Variants in NAV2 observed in about 807,000 individuals in gnomAD.
NAV2 encodes the protein neuron navigator 2, also known as helicase, APC down-regulated 1.
Under a neutral mutation model 223.2 loss-of-function variants are expected in NAV2, and 54 were observed. That is an observed-to-expected ratio of 0.24 (90% CI 0.19 to 0.30). The LOEUF is 0.30. NAV2 is among the 10% of genes least tolerant of loss of function. The pLI is 1.00. For synonymous variants in NAV2, 1,279 were observed against 1,239.3 expected, an observed-to-expected ratio of 1.03 and a Z score of -0.67; for missense variants, 2,806 against 3,147.5, an observed-to-expected ratio of 0.89 and a Z score of 2.60.
intron 1 of NAV2, among the ~76,000 whole-genome samples, chr11:19,551,172 A>G (rs1376400692): frequency 6.6e-6 from 1 of 152,250 alleles, no homozygotes; most frequent in Non-Finnish European, 1.5e-5. Flanking sequence ...GCTAAGCCCC[A>G]CTTTGGGGTT....
At chr11:19,719,676 A>G (rs2050602825) in intron 1 of NAV2, among the ~76,000 whole-genome samples, 1 of 152,222 alleles carries the variant, frequency 6.6e-6, no homozygotes, top group South Asian at 2.1e-4. Context: ...CTGCCTCCCA[A>G]GTACGCAGCT....
chr11:19,532,426 C>T (rs1157827408), intron 1 of NAV2, among the ~76,000 whole-genome samples: 2 of 152,182 alleles, frequency 1.3e-5, no homozygotes, highest in Non-Finnish European at 2.9e-5. Flanking sequence ...TTTCTCTGGG[C>T]CTCAACATCT....
In NAV2 at chr11:20,100,994, T is replaced by C. The variant is rs774496040; in HGVS notation, c.6239T>C (p.Ile2080Thr). The change falls in exon 32 of 38, where the codon ATC (isoleucine) becomes ACC (threonine). Residue 2080 changes from isoleucine to threonine, a missense_variant. By Grantham distance (89) the Ile-to-Thr change is moderately conservative. This residue lies in a region of NAV2 where 824 missense variants were observed against 1,069.4 expected (regional missense o/e 0.77). Coordinates refer to ENST00000349880, the MANE Select transcript of NAV2 (RefSeq NM_145117.5). ...LVFESLIPKPILQRYVSLLIE... is the reference protein window; with the variant it reads ...LVFESLIPKPTLQRYVSLLIE... ...TTTGAGTCCTTGATTCCCAAGCCCA[T>C]CCTGCAGCGCTACGTCTCCCTCCTG... 9 of 1,613,978 alleles carry C rather than the reference T, an allele frequency of 5.6e-6. No homozygotes were observed. The South Asian group carries it at 8.8e-5, about 16-fold the overall frequency.
chr11:19,349,953 C>T (rs527933063), upstream of NAV2, among the ~76,000 whole-genome samples: 5 of 152,266 alleles, frequency 3.3e-5, no homozygotes, highest in East Asian at 7.7e-4. Context: ...CTTTCTCACC[C>T]TCCCTGAGGA....
intron 17 of NAV2, 44 bp from the exon 18 acceptor site, chr11:20,054,036 A>C (rs1169393270): frequency 2.5e-6 from 4 of 1,584,774 alleles, no homozygotes; most frequent in Non-Finnish European, 3.4e-6. Context: ...CATTTTAATA[A>C]GCATTGTTCA....
chr11:19,367,231 T>G (rs945926769), intron 1 of NAV2, among the ~76,000 whole-genome samples: 9 of 152,206 alleles, frequency 5.9e-5, no homozygotes, highest in South Asian at 2.1e-4. Flanking sequence ...TGTCCACCTT[T>G]AAGATTCAGA....
At chr11:19,788,853 G>C (rs1211930520) in intron 1 of NAV2, among the ~76,000 whole-genome samples, 2 of 152,066 alleles carry the variant, frequency 1.3e-5, no homozygotes, top group Non-Finnish European at 2.9e-5. Flanking sequence ...CCTAAGTGGA[G>C]CTCCTTCACA....
intron 1 of NAV2, among the ~76,000 whole-genome samples, chr11:19,645,618 C>A (rs1416399258): frequency 2.0e-5 from 3 of 152,066 alleles, no homozygotes; most frequent in African/African-American, 7.2e-5. Context: ...TATCAACACG[C>A]TGAAAAGGGA....
chr11:19,690,471 C>G (rs2049141894), intron 1 of NAV2, among the ~76,000 whole-genome samples: 1 of 152,054 alleles, frequency 6.6e-6, no homozygotes, highest in Non-Finnish European at 1.5e-5. Flanking sequence ...TCATGGTGAG[C>G]CCTATCTTTT....
intron 1 of NAV2, chr11:19,503,320 A>G (rs557916538): frequency 2.0e-5 from 3 of 152,352 alleles, no homozygotes; most frequent in African/African-American, 7.2e-5. Flanking sequence ...CTCAAAGTCC[A>G]TAGTTTACAT....
Position 19,910,790 on chromosome 11 carries a change from G to A in NAV2, c.931+18196G>A, listed in dbSNP as rs191188815. 1.4e-4 allele frequency among the ~76,000 whole-genome samples: 21 copies of A among 152,228 alleles called. No individual in the cohort carries two copies. The East Asian group carries it at 1.9e-3, about 14-fold the overall frequency. On this transcript the variant is annotated intron_variant, in intron 6 of 37. Coordinates refer to ENST00000349880, the MANE Select transcript of NAV2 (RefSeq NM_145117.5). ...GAAGAATTGCTTGAACCTGAGAGGC[G>A]GAGGTTGCAGTGAGCCGAGATAGTG...
chr11:20,031,734 TTGTGTGTGTG>T (rs5790104), intron 11 of NAV2, among the ~76,000 whole-genome samples: 5 of 149,108 alleles, frequency 3.4e-5, no homozygotes, highest in Non-Finnish European at 6.0e-5. Flanking sequence ...CATTTTCGCT[TTGTGTGTGTG>T]TGTGTGTGTG....
At chr11:19,554,326 T>C (rs2044794038) in intron 1 of NAV2, among the ~76,000 whole-genome samples, 1 of 152,202 alleles carries the variant, frequency 6.6e-6, no homozygotes, top group Non-Finnish European at 1.5e-5. Flanking sequence ...AGGATTGAGT[T>C]TGGGCTGTCT....
intron 1 of NAV2, among the ~76,000 whole-genome samples, chr11:19,360,808 A>G (rs1257632180): frequency 6.6e-6 from 1 of 152,176 alleles, no homozygotes; most frequent in Non-Finnish European, 1.5e-5. Flanking sequence ...CATCTCTTGA[A>G]TGTTTGTCTT....
chr11:19,626,952 G>A (rs539520942), intron 1 of NAV2, among the ~76,000 whole-genome samples: 42 of 152,272 alleles, frequency 2.8e-4, no homozygotes, highest in East Asian at 5.8e-4. Context: ...AGCTGAGACC[G>A]TAATTAGAAA....
At chr11:19,553,780 C>G (rs960225216) in intron 1 of NAV2, among the ~76,000 whole-genome samples, 4 of 152,250 alleles carry the variant, frequency 2.6e-5, no homozygotes, top group Non-Finnish European at 5.9e-5. Context: ...GGGAGACACA[C>G]CACAGCTGCC....
At chr11:19,595,158 G>C (rs539200680) in intron 1 of NAV2, among the ~76,000 whole-genome samples, 6 of 152,130 alleles carry the variant, frequency 3.9e-5, no homozygotes, top group African/African-American at 1.4e-4. Context: ...CTCCACTGCT[G>C]TGTTTATCCA....
intron 7 of NAV2, among the ~76,000 whole-genome samples, chr11:19,937,356 C>CA (rs1018362424): frequency 6.7e-6 from 1 of 150,166 alleles, no homozygotes; most frequent in South Asian, 2.2e-4. Flanking sequence ...ATTGCTCCCC[C>CA]CCCGCCCACC....
At chr11:19,420,408 T>C (rs1208484945) in intron 1 of NAV2, among the ~76,000 whole-genome samples, 2 of 152,228 alleles carry the variant, frequency 1.3e-5, no homozygotes, top group African/African-American at 4.8e-5. Context: ...ATACTATGAC[T>C]GAGTTATTCC....
Sources: allele counts gnomAD v4.1 joint callset (sites outside exome capture counted in the v4.1 genomes callset), GRCh38; gene constraint gnomAD v4.1.1; regional missense constraint gnomAD v4.1.1; transcripts MANE v1.5; gene names NCBI Gene and HGNC (gene_info 2026-07-23, HGNC 2026-07-21).